DLGAP2: variants seen among roughly 807,000 people sequenced by gnomAD.
DLGAP2 encodes the protein DLG associated protein 2, also known as disks large-associated protein 2.
DLGAP2 carries 26 observed loss-of-function variants against 100.3 expected under a neutral mutation model. The ratio of observed to expected loss-of-function variants is 0.26; its 90% CI spans 0.19 to 0.36. DLGAP2 has a LOEUF of 0.36. Among genes scored for constraint, DLGAP2 ranks in the 10% least tolerant of loss-of-function variants. DLGAP2 has a pLI of 1.00. For synonymous variants in DLGAP2, 886 were observed against 630.1 expected (o/e 1.41, Z -6.08); for missense variants, 1,858 against 1,453.2 (o/e 1.28, Z -4.53).
At chr8:1,316,448 C>G (rs62486212) in intron 3 of DLGAP2, among the ~76,000 whole-genome samples, 11 of 122,762 alleles carry the variant, frequency 9.0e-5, no homozygotes, top group Non-Finnish European at 1.4e-4. Context: ...GGTCTACACT[C>G]GAGAAACTCG....
At chr8:966,178 G>T (rs1035419724) in intron 2 of DLGAP2, among the ~76,000 whole-genome samples, 1 of 152,174 alleles carries the variant, frequency 6.6e-6, no homozygotes, top group Non-Finnish European at 1.5e-5. Flanking sequence ...TGGACCAGTG[G>T]AGCCAGTTGT....
intron 2 of DLGAP2, among the ~76,000 whole-genome samples, chr8:1,139,927 G>A (rs1796492794): frequency 6.6e-6 from 1 of 152,204 alleles, no homozygotes; most frequent in Non-Finnish European, 1.5e-5. Context: ...AGGTCACACG[G>A]CTGGTATTTG....
At chr8:1,350,459 G>C (rs1380684768) in intron 3 of DLGAP2, among the ~76,000 whole-genome samples, 2 of 95,658 alleles carry the variant, frequency 2.1e-5, no homozygotes, top group African/African-American at 4.3e-5. Flanking sequence ...AAGGCCGTGC[G>C]GGTCCTGACT....
intron 1 of DLGAP2, among the ~76,000 whole-genome samples, chr8:786,193 C>T (rs935340521): frequency 2.6e-5 from 4 of 152,170 alleles, no homozygotes; most frequent in Non-Finnish European, 5.9e-5. Context: ...TCTTCAGTCT[C>T]GGCCTCTGGC....
chr8:1,700,039 G>C (rs1327116922), intron 14 of DLGAP2, among the ~76,000 whole-genome samples: 1 of 152,186 alleles, frequency 6.6e-6, no homozygotes, highest in Admixed American at 6.5e-5. Flanking sequence ...GTTTTAGATG[G>C]ATGCCAAGAA....
chr8:1,521,501 C>T (rs112282486), intron 4 of DLGAP2, among the ~76,000 whole-genome samples: 8 of 48,100 alleles, frequency 1.7e-4, no homozygotes, highest in African/African-American at 4.4e-4. Context: ...AATACTCGGG[C>T]GGCAGGTGAT....
chr8:1,349,839 T>A (rs759604989), intron 3 of DLGAP2, among the ~76,000 whole-genome samples: 15 of 152,258 alleles, frequency 9.9e-5, no homozygotes, highest in Non-Finnish European at 2.2e-4. Context: ...ACAACTTTTG[T>A]TGCTATATAA....
chr8:1,357,487 A>G (rs1164829932), intron 3 of DLGAP2, among the ~76,000 whole-genome samples: 1 of 149,670 alleles, frequency 6.7e-6, no homozygotes, highest in Non-Finnish European at 1.5e-5. Flanking sequence ...TGCTATTCCT[A>G]TTGCTGGTGA....
chr8:990,314 CCCTGCACCCCCATA>C (rs1800626085), intron 2 of DLGAP2, among the ~76,000 whole-genome samples: 3 of 146,844 alleles, frequency 2.0e-5, no homozygotes, highest in African/African-American at 7.7e-5. Flanking sequence ...GGCCCAGACC[CCCTGCACCCCCATA>C]CTCGGAGTTC....
rs116917083 is a variant in DLGAP2, at chr8:780,014, A to G, written c.18+42189A>G. Reference sequence around the variant, plus strand: ...TTACCATTTTTTCTTTTTAGTGAAAACATTAAAATTCTATTCTAGAGATTT... The same window carrying G: ...TTACCATTTTTTCTTTTTAGTGAAAGCATTAAAATTCTATTCTAGAGATTT... On this transcript the variant is annotated intron_variant, in intron 1 of 14. Transcript: ENST00000637795. Among the ~76,000 whole-genome samples, 734 of 152,264 alleles carry G rather than the reference A, an allele frequency of 4.8e-3. 1 individual carries two copies. Among genetic ancestry groups the G allele is most frequent in the Middle Eastern group, 0.02 (6 of 294 alleles).
At chr8:1,580,913 C>T (rs1247187059) in intron 6 of DLGAP2, among the ~76,000 whole-genome samples, 1 of 151,526 alleles carries the variant, frequency 6.6e-6, no homozygotes, top group Non-Finnish European at 1.5e-5. Context: ...CTATACACCA[C>T]AGTAAACTAC....
intron 2 of DLGAP2, among the ~76,000 whole-genome samples, chr8:1,129,683 A>G (rs988315212): frequency 3.3e-5 from 5 of 152,196 alleles, no homozygotes; most frequent in Non-Finnish European, 7.3e-5. Flanking sequence ...CTGTGGATAC[A>G]GTTCGAGTTG....
At chr8:808,763 A>G (rs1320878914) in intron 1 of DLGAP2, among the ~76,000 whole-genome samples, 1 of 152,160 alleles carries the variant, frequency 6.6e-6, no homozygotes, top group African/African-American at 2.4e-5. Flanking sequence ...GGAGGCACCC[A>G]CCCTAGGTTT....
At chr8:1,078,854 C>T (rs1803708367) in intron 2 of DLGAP2, among the ~76,000 whole-genome samples, 1 of 152,184 alleles carries the variant, frequency 6.6e-6, no homozygotes, top group Non-Finnish European at 1.5e-5. Flanking sequence ...AGAAATAAAG[C>T]TACTGTAAAC....
intron 3 of DLGAP2, among the ~76,000 whole-genome samples, chr8:1,312,927 C>A (rs1476449870): frequency 6.6e-6 from 1 of 152,176 alleles, no homozygotes; most frequent in Non-Finnish European, 1.5e-5. Flanking sequence ...TGAGTGAGGC[C>A]AAGCCCTACG....
intron 5 of DLGAP2, among the ~76,000 whole-genome samples, chr8:1,550,597 C>A (rs377219260): frequency 2.0e-5 from 3 of 152,286 alleles, no homozygotes; most frequent in Admixed American, 6.5e-5. Flanking sequence ...AAGCACCCCC[C>A]ACTACAAAAA....
chr8:790,618 AAT>A (rs1821999667), intron 1 of DLGAP2, among the ~76,000 whole-genome samples: 3 of 152,180 alleles, frequency 2.0e-5, no homozygotes, highest in Admixed American at 1.3e-4. Context: ...TCAGTAAAAT[AAT>A]ATTTAATAAT....
At chr8:1,353,369 G>C (rs1362368841) in intron 3 of DLGAP2, among the ~76,000 whole-genome samples, 4 of 152,168 alleles carry the variant, frequency 2.6e-5, no homozygotes, top group Admixed American at 6.5e-5. Context: ...ACTGTACTTC[G>C]AGTTCCGCAC....
In DLGAP2 at chr8:925,339, C is replaced by T. The variant is rs143195238; in HGVS notation, c.73+17373C>T. 2.7e-3 allele frequency among the ~76,000 whole-genome samples: 405 copies of T among 152,130 alleles called. 2 individuals carry two copies. Among genetic ancestry groups the T allele is most frequent in the African/African-American group, 9.2e-3 (380 of 41,472 alleles). ...GTCTCCTTATGTTGCCGAGGCTGGTCTTGAATTCTAGGGCTTAAGCGATCC... is the reference window on the plus strand; with the variant it reads ...GTCTCCTTATGTTGCCGAGGCTGGTTTTGAATTCTAGGGCTTAAGCGATCC... On this transcript the variant is annotated intron_variant, in intron 2 of 14. Coordinates refer to ENST00000637795, the MANE Select transcript of DLGAP2 (RefSeq NM_001346810.2).
Sources: gnomAD v4.1 joint callset for allele counts (sites outside exome capture counted in the v4.1 genomes callset) on GRCh38, gnomAD v4.1.1 for gene constraint, MANE v1.5 for transcripts, NCBI Gene and HGNC (gene_info 2026-07-23, HGNC 2026-07-21) for gene names.